Variants in PRKAG2 observed in about 807,000 individuals in gnomAD.
PRKAG2 encodes 5'-AMP-activated protein kinase subunit gamma-2.
Under a neutral mutation model 69.6 loss-of-function variants are expected in PRKAG2, and 26 were observed. The observed-to-expected ratio is 0.37, with a 90% confidence interval of 0.27 to 0.52. PRKAG2 has a LOEUF of 0.52. Ranked by LOEUF, PRKAG2 falls within the 20% of genes least tolerant of loss-of-function variation. The pLI is 0.90. For missense variants in PRKAG2, 557 were observed against 740.0 expected, an observed-to-expected ratio of 0.75 and a Z score of 2.87; for synonymous variants, 293 against 285.0, an observed-to-expected ratio of 1.03 and a Z score of -0.28.
At chr7:151,783,912 C>CAAAA (rs536105914) in intron 2 of PRKAG2, among the ~76,000 whole-genome samples, 38 of 28,944 alleles carry the variant, frequency 1.3e-3, no homozygotes, top group African/African-American at 4.1e-3. Context: ...GACCCTGTCT[C>CAAAA]AAAAAAAAAA....
intron 4 of PRKAG2, among the ~76,000 whole-genome samples, chr7:151,665,399 G>C (rs1229012456): frequency 1.3e-5 from 2 of 152,160 alleles, no homozygotes; most frequent in East Asian, 3.9e-4. Context: ...TCAGAAAAAA[G>C]GGCCACGCTC....
At position 151,781,122 on chromosome 7, in the gene PRKAG2, C is replaced by A; in HGVS notation, c.466+30G>T. ...GAAGAGACCCCCAGCACCCCAGCAC[C>A]CACCTGAAACAATAGCATCAAGGTC... is the stretch of plus-strand genomic sequence containing the variant. On this transcript the variant is annotated intron_variant, in intron 3 of 15. Coordinates refer to ENST00000287878, the MANE Select transcript of PRKAG2 (RefSeq NM_016203.4). This position sits in a 1 kb window ranked among gnomAD's most constrained non-coding sequence, Gnocchi z 6.1. 1 of 1,612,978 alleles carries A rather than the reference C, an allele frequency of 6.2e-7. No individual in the cohort carries two copies. Among genetic ancestry groups the A allele is most frequent in the Non-Finnish European group, 8.5e-7 (1 of 1,179,910 alleles).
At chr7:151,795,893 C>A (rs1471340243) in intron 1 of PRKAG2, among the ~76,000 whole-genome samples, 5 of 93,482 alleles carry the variant, frequency 5.3e-5, no homozygotes, top group Admixed American at 1.1e-4. Context: ...ATATATATCA[C>A]GATAATATGT....
At chr7:151,656,609 T>C (rs1270525215) in intron 4 of PRKAG2, among the ~76,000 whole-genome samples, 1 of 152,176 alleles carries the variant, frequency 6.6e-6, no homozygotes, top group Non-Finnish European at 1.5e-5. Flanking sequence ...AATATCTTAA[T>C]CCAACAATAT....
chr7:151,617,259 C>T (rs1456225625), intron 5 of PRKAG2, among the ~76,000 whole-genome samples: 3 of 9,430 alleles, frequency 3.2e-4, no homozygotes, highest in Non-Finnish European at 4.0e-4. Flanking sequence ...AGGGAAGGAG[C>T]GAGGGAAGGA....
intron 4 of PRKAG2, among the ~76,000 whole-genome samples, chr7:151,663,279 A>C (rs1040631148): frequency 2.0e-5 from 3 of 152,170 alleles, no homozygotes; most frequent in Admixed American, 1.3e-4. Context: ...CAATCAGCCC[A>C]AAAGCAGAGT....
At chr7:151,686,723 T>A (rs1299026926) in intron 3 of PRKAG2, among the ~76,000 whole-genome samples, 1 of 152,206 alleles carries the variant, frequency 6.6e-6, no homozygotes, top group Non-Finnish European at 1.5e-5. Context: ...CTGGCCCCTT[T>A]ATAGCTGAAT....
chr7:151,804,388 G>A (rs143700130), intron 1 of PRKAG2, among the ~76,000 whole-genome samples: 19 of 152,286 alleles, frequency 1.2e-4, no homozygotes, highest in African/African-American at 3.1e-4. Context: ...TTTCTGCCAC[G>A]TGCAGACAGG....
intron 1 of PRKAG2, among the ~76,000 whole-genome samples, chr7:151,808,206 A>G (rs963857711): frequency 6.6e-6 from 1 of 152,236 alleles, no homozygotes; most frequent in Non-Finnish European, 1.5e-5. Flanking sequence ...TGTCAAGTGC[A>G]TCTGGCAGGA....
chr7:151,852,963 G>A (rs549438165), intron 1 of PRKAG2, among the ~76,000 whole-genome samples: 5 of 152,338 alleles, frequency 3.3e-5, no homozygotes, highest in African/African-American at 1.2e-4. Context: ...CCCAGGACTG[G>A]CTGTTGCAGC....
chr7:151,649,859 T>A (rs1227597144), intron 4 of PRKAG2, among the ~76,000 whole-genome samples: 1 of 152,090 alleles, frequency 6.6e-6, no homozygotes, highest in Non-Finnish European at 1.5e-5. Flanking sequence ...TAAACCTCTT[T>A]CCTTTATAAA....
At position 151,560,621 on chromosome 7, in the gene PRKAG2, C is replaced by T. The variant is rs373649956; in HGVS notation, c.1585-4G>A. On this transcript the variant is annotated splice_polypyrimidine_tract_variant and splice_region_variant and intron_variant, in intron 14 of 15. Transcript: ENST00000287878. ...TTACCACCACCAGCCGATGGACCTG[C>T]AAAGAGAAAAGCAGGACACGTGAAA... The T allele has an allele frequency of 5.5e-5, 89 of 1,613,898 alleles. No individual in the cohort carries two copies. In the Middle Eastern group the frequency reaches 8.2e-4, roughly 15 times the overall value.
At chr7:151,865,975 G>A (rs531053680) in intron 1 of PRKAG2, among the ~76,000 whole-genome samples, 10 of 144,804 alleles carry the variant, frequency 6.9e-5, no homozygotes, top group East Asian at 2.1e-4. Flanking sequence ...AGCGGAGATC[G>A]CACCACTGCA....
In PRKAG2 at chr7:151,850,389, C is replaced by T. The variant is rs1279518578; in HGVS notation, c.114+26118G>A. On this transcript the variant is annotated intron_variant, in intron 1 of 15. Coordinates refer to ENST00000287878, the MANE Select transcript of PRKAG2 (RefSeq NM_016203.4). This position sits in a 1 kb window ranked among gnomAD's most constrained non-coding sequence, Gnocchi z 4.1. ...ACCCTGCTCAGCTAATAGGTTATTT[C>T]CTCATCTTAGAAAGGAAGAAATGAA... Among the ~76,000 whole-genome samples, 1 of 152,240 alleles carries T rather than the reference C, an allele frequency of 6.6e-6. No individual in the cohort carries two copies. The highest frequency in any genetic ancestry group is 1.5e-5 in the Non-Finnish European group (1 of 68,038).
intron 1 of PRKAG2, among the ~76,000 whole-genome samples, chr7:151,808,509 G>A (rs1014264743): frequency 6.6e-6 from 1 of 152,080 alleles, no homozygotes; most frequent in Non-Finnish European, 1.5e-5. Flanking sequence ...ACAAGGCATG[G>A]CTGAGCGCCT....
At chr7:151,696,575 C>T (rs571231765) in intron 3 of PRKAG2, among the ~76,000 whole-genome samples, 4 of 152,344 alleles carry the variant, frequency 2.6e-5, no homozygotes, top group South Asian at 2.1e-4. Context: ...AAATAGCCTA[C>T]GGCTAAGAGG....
intron 3 of PRKAG2, among the ~76,000 whole-genome samples, chr7:151,698,498 G>C (rs2151557571): frequency 6.6e-6 from 1 of 152,250 alleles, no homozygotes; most frequent in East Asian, 1.9e-4. Flanking sequence ...CCTCGTGGTA[G>C]TGAATGAGTT....
At chr7:151,694,829 C>T (rs547226259) in intron 3 of PRKAG2, among the ~76,000 whole-genome samples, 3 of 152,346 alleles carry the variant, frequency 2.0e-5, no homozygotes, top group Non-Finnish European at 4.4e-5. Context: ...CTGGTGTCCC[C>T]ATGTGCCCCC....
At chr7:151,845,677 C>T (rs1226191661) in intron 1 of PRKAG2, among the ~76,000 whole-genome samples, 1 of 152,200 alleles carries the variant, frequency 6.6e-6, no homozygotes, top group Non-Finnish European at 1.5e-5. Context: ...TCGTCATCCT[C>T]ACAAGGGGAG....
Sources: gnomAD v4.1 joint callset for allele counts (sites outside exome capture counted in the v4.1 genomes callset) on GRCh38, gnomAD v4.1.1 for gene constraint, Gnocchi (gnomAD v3.1) non-coding constraint, MANE v1.5 for transcripts, NCBI Gene and HGNC (gene_info 2026-07-23, HGNC 2026-07-21) for gene names.